The following COMMD1 variants were observed in gnomAD, a reference collection of about 807,000 sequenced individuals.
COMMD1 encodes the protein copper metabolism domain containing 1.
COMMD1 carries 10 observed loss-of-function variants against 17.2 expected under a neutral mutation model. The observed-to-expected ratio is 0.58, with a 90% CI of 0.36 to 0.99. COMMD1 has a LOEUF of 0.99. COMMD1 is among the 50% of genes least tolerant of loss of function. The pLI is 0.01. For missense variants in COMMD1, 270 were observed against 231.8 expected (o/e 1.17, Z -1.07); for synonymous variants, 97 against 91.6 (o/e 1.06, Z -0.34).
At chr2:61,970,287 T>TA (rs1174248972) in intron 1 of COMMD1, among the ~76,000 whole-genome samples, 2 of 151,606 alleles carry the variant, frequency 1.3e-5, no homozygotes, top group Admixed American at 6.6e-5. Context: ...AGAATAATGA[T>TA]AAATATATTA....
At chr2:61,900,201 G>T (rs1377615728) in intron 1 of COMMD1, among the ~76,000 whole-genome samples, 2 of 152,208 alleles carry the variant, frequency 1.3e-5, no homozygotes, top group African/African-American at 4.8e-5. Flanking sequence ...ATGCATTTCA[G>T]GGAGGCAGGA....
chr2:62,119,107 CA>C (rs34874144), intron 2 of COMMD1: 27,471 of 152,388 alleles, frequency 0.18, 2,687 homozygotes, highest in Admixed American at 0.25. Context: ...GAGAGGGGCT[CA>C]AATCCAGAAT....
At chr2:62,041,727 G>A (rs1276160654) in intron 2 of COMMD1, among the ~76,000 whole-genome samples, 1 of 152,134 alleles carries the variant, frequency 6.6e-6, no homozygotes, top group Admixed American at 6.5e-5. Flanking sequence ...CCTCACGGGT[G>A]AGTGTTACAG....
intron 1 of COMMD1, among the ~76,000 whole-genome samples, chr2:61,919,543 GTTTT>G (rs200340833): frequency 8.2e-6 from 1 of 122,526 alleles, no homozygotes; most frequent in Non-Finnish European, 1.8e-5. Flanking sequence ...GCTTCATCGC[GTTTT>G]TTTTTTTTTT....
chr2:61,898,447 G>C (rs911917988), intron 1 of COMMD1, among the ~76,000 whole-genome samples: 1 of 152,188 alleles, frequency 6.6e-6, no homozygotes, highest in Non-Finnish European at 1.5e-5. Flanking sequence ...CTGCACTGCA[G>C]CCTGGATGAC....
At chr2:62,032,030 C>G (rs1207712132) in intron 2 of COMMD1, among the ~76,000 whole-genome samples, 1 of 152,204 alleles carries the variant, frequency 6.6e-6, no homozygotes, top group East Asian at 1.9e-4. Context: ...ATAACACAAT[C>G]TAACACTTCA....
At chr2:61,977,773 G>C (rs184855913) in intron 1 of COMMD1, among the ~76,000 whole-genome samples, 1 of 152,012 alleles carries the variant, frequency 6.6e-6, no homozygotes, top group East Asian at 1.9e-4. Context: ...GATCACTTGA[G>C]GCCCACAGTT....
At chr2:62,097,185 CA>C (rs1159849421) in intron 2 of COMMD1, among the ~76,000 whole-genome samples, 1 of 152,190 alleles carries the variant, frequency 6.6e-6, no homozygotes, top group Admixed American at 6.5e-5. Flanking sequence ...AGGTCTTGAA[CA>C]AGTCTCCAGC....
intron 1 of COMMD1, among the ~76,000 whole-genome samples, chr2:61,941,202 A>G (rs1019451370): frequency 6.9e-6 from 1 of 145,068 alleles, no homozygotes; most frequent in African/African-American, 2.5e-5. Flanking sequence ...TAATTTTTGT[A>G]TTTTCAGTAG....
intron 2 of COMMD1, among the ~76,000 whole-genome samples, chr2:62,119,680 T>C (rs1418357159): frequency 6.6e-6 from 1 of 152,198 alleles, no homozygotes; most frequent in Non-Finnish European, 1.5e-5. Context: ...AGAAACCACA[T>C]TGAGAAGGCT....
chr2:62,128,214 G>C (rs536081701), intron 2 of COMMD1, among the ~76,000 whole-genome samples: 1 of 151,964 alleles, frequency 6.6e-6, no homozygotes, highest in Non-Finnish European at 1.5e-5. Context: ...TGTAGTCCCA[G>C]CTACTTGGGA....
At chr2:61,953,430 G>A (rs780644431) in intron 1 of COMMD1, among the ~76,000 whole-genome samples, 3 of 144,450 alleles carry the variant, frequency 2.1e-5, no homozygotes, top group Non-Finnish European at 3.0e-5. Flanking sequence ...GTGCAGTGGC[G>A]CAATCTCAGC....
intron 2 of COMMD1, among the ~76,000 whole-genome samples, chr2:62,057,033 G>A (rs60028305): frequency 6.6e-6 from 1 of 152,194 alleles, no homozygotes; most frequent in African/African-American, 2.4e-5. Flanking sequence ...GAGTAGACTG[G>A]ACATAAGCAA....
At chr2:62,013,471 A>G (rs1205019831) in intron 2 of COMMD1, among the ~76,000 whole-genome samples, 1 of 152,022 alleles carries the variant, frequency 6.6e-6, no homozygotes, top group East Asian at 1.9e-4. Flanking sequence ...AACTTTTTTT[A>G]TTATAATATG....
At chr2:62,120,733 CT>C (rs1383398374) in intron 2 of COMMD1, among the ~76,000 whole-genome samples, 1 of 150,650 alleles carries the variant, frequency 6.6e-6, no homozygotes, top group Non-Finnish European at 1.5e-5. Context: ...TCTTTTCTTT[CT>C]TTTTTTTTAG....
At chr2:61,967,364 T>C (rs2103712661) in intron 1 of COMMD1, among the ~76,000 whole-genome samples, 1 of 152,346 alleles carries the variant, frequency 6.6e-6, no homozygotes, top group Admixed American at 6.5e-5. Flanking sequence ...AGTTTCTAAA[T>C]ATTTACTTTC....
At chr2:61,929,405 C>G (rs1670406535) in intron 1 of COMMD1, among the ~76,000 whole-genome samples, 1 of 152,124 alleles carries the variant, frequency 6.6e-6, no homozygotes, top group Non-Finnish European at 1.5e-5. Flanking sequence ...CCTTCTTATA[C>G]CTAGAAGAAA....
At chr2:61,906,746 G>A (rs1669783266) in intron 1 of COMMD1, among the ~76,000 whole-genome samples, 2 of 149,392 alleles carry the variant, frequency 1.3e-5, no homozygotes, top group African/African-American at 4.9e-5. Flanking sequence ...TTTGTTTCTT[G>A]AAAAAAAAAC....
intron 2 of COMMD1, among the ~76,000 whole-genome samples, chr2:62,054,872 GA>G (rs1188888664): frequency 1.3e-5 from 2 of 152,000 alleles, no homozygotes; most frequent in African/African-American, 4.8e-5. Context: ...AAATAAAAAG[GA>G]AAAAAATAGC....
Sources: allele counts gnomAD v4.1 joint callset (sites outside exome capture counted in the v4.1 genomes callset), GRCh38; gene constraint gnomAD v4.1.1; transcripts MANE v1.5; gene names NCBI Gene and HGNC (gene_info 2026-07-23, HGNC 2026-07-21).